The following FSD1L variants were observed in gnomAD, a reference collection of about 807,000 sequenced individuals.
FSD1L encodes FSD1-like protein.
FSD1L carries 45 observed loss-of-function variants against 71.6 expected under a neutral mutation model. The observed-to-expected ratio is 0.63, with a 90% CI of 0.49 to 0.81. The LOEUF (loss-of-function observed/expected upper bound fraction) is 0.81, where lower values mean the gene tolerates loss of function less well. Among genes scored for constraint, FSD1L ranks in the 30% least tolerant of loss-of-function variants. FSD1L has a pLI of 0.00. For synonymous variants in FSD1L, 197 were observed against 207.2 expected, an observed-to-expected ratio of 0.95 and a Z score of 0.42; for missense variants, 561 against 618.1, an observed-to-expected ratio of 0.91 and a Z score of 0.98.
upstream of FSD1L, chr9:105,447,941 C>G: frequency 3.8e-6 from 2 of 520,052 alleles, no homozygotes; most frequent in Non-Finnish European, 6.7e-6. Context: ...AGACGGGCGG[C>G]GCTCCCCACC....
intron 1 of FSD1L, among the ~76,000 whole-genome samples, chr9:105,449,213 G>C (rs1352180553): frequency 2.0e-5 from 3 of 152,200 alleles, no homozygotes; most frequent in African/African-American, 7.2e-5. Flanking sequence ...TCACCTTCTT[G>C]AGGATCACTT....
intron 1 of FSD1L, 80 bp downstream of exon 1, chr9:105,448,315 C>A: frequency 7.7e-7 from 1 of 1,302,774 alleles, no homozygotes; most frequent in Non-Finnish European, 1.0e-6. Context: ...GGCCCGTGGG[C>A]TGTGGGTGCG....
chr9:105,488,185 G>A (rs984560318), intron 7 of FSD1L, among the ~76,000 whole-genome samples: 7 of 152,036 alleles, frequency 4.6e-5, no homozygotes, highest in East Asian at 3.8e-4. Flanking sequence ...TATTTTCATC[G>A]TTCCTTACTC....
At chr9:105,506,277 T>C in intron 7 of FSD1L, 122 bp from the exon 8 acceptor site, 1 of 722,354 alleles carries the variant, frequency 1.4e-6, no homozygotes, top group Non-Finnish European at 2.2e-6. Context: ...CTGATCTACT[T>C]TTGAACAGTT....
chr9:105,455,969 C>T (rs1830333620), intron 1 of FSD1L, among the ~76,000 whole-genome samples: 2 of 152,208 alleles, frequency 1.3e-5, no homozygotes, highest in African/African-American at 4.8e-5. Flanking sequence ...AAGTCTTCTC[C>T]TCCTCTGAGA....
At chr9:105,466,691 TCA>T (rs1564085540) in intron 3 of FSD1L, among the ~76,000 whole-genome samples, 2 of 77,800 alleles carry the variant, frequency 2.6e-5, no homozygotes. Flanking sequence ...AGACTCTGTC[TCA>T]AAAAAAAAAA....
intron 13 of FSD1L, 77 bp from the exon 14 acceptor site, chr9:105,546,281 C>G: frequency 3.6e-6 from 5 of 1,382,686 alleles, no homozygotes; most frequent in Non-Finnish European, 3.9e-6. Flanking sequence ...GGCATTTTGC[C>G]TTTGAAATGG....
intron 5 of FSD1L, among the ~76,000 whole-genome samples, chr9:105,478,515 T>C (rs1450630147): frequency 6.6e-6 from 1 of 152,220 alleles, no homozygotes; most frequent in African/African-American, 2.4e-5. Flanking sequence ...TATTGTTAAC[T>C]GTACTGGTTA....
chr9:105,543,487 G>T (rs977884795), intron 13 of FSD1L, among the ~76,000 whole-genome samples: 1 of 152,040 alleles, frequency 6.6e-6, no homozygotes, highest in African/African-American at 2.4e-5. Context: ...ACAACGTGCA[G>T]GTTTGTTATA....
At chr9:105,491,224 C>T (rs1053376556) in intron 7 of FSD1L, among the ~76,000 whole-genome samples, 2 of 151,604 alleles carry the variant, frequency 1.3e-5, no homozygotes, top group Admixed American at 6.6e-5. Context: ...TCCTTCACAT[C>T]CCTTGTAAGT....
Position 105,448,114 on chromosome 9 carries a change from G to C in FSD1L, c.-107G>C, listed in dbSNP as rs1829734697. ...GGTGGGGCCGGGCGGTGCCGGTGCG[G>C]GCTGGGGCAGTGCAGTGAGTAGCGG... On this transcript the variant is annotated 5_prime_UTR_variant, in exon 1 of 14. Coordinates refer to ENST00000481272, the MANE Select transcript of FSD1L (RefSeq NM_001145313.3). The C allele has an allele frequency of 1.6e-6, 2 of 1,247,030 alleles. No homozygotes were observed. The highest frequency in any genetic ancestry group is 1.3e-5 in the South Asian group (1 of 77,646). The allele number at this position is 1,247,030 out of a possible 1,614,324, so 77.2% of individuals were successfully genotyped here.
chr9:105,511,093 C>T (rs1186155664), intron 9 of FSD1L, among the ~76,000 whole-genome samples: 2 of 151,274 alleles, frequency 1.3e-5, no homozygotes. Context: ...AAGAGAGATA[C>T]GAAAATGACA....
At chr9:105,448,675 G>A (rs1829787250) in intron 1 of FSD1L, among the ~76,000 whole-genome samples, 1 of 152,188 alleles carries the variant, frequency 6.6e-6, no homozygotes, top group Admixed American at 6.5e-5. Context: ...CCTCGACCAA[G>A]TCTCGTCTCA....
At chr9:105,518,899 A>G (rs1394661885) in intron 10 of FSD1L, among the ~76,000 whole-genome samples, 1 of 152,192 alleles carries the variant, frequency 6.6e-6, no homozygotes, top group Non-Finnish European at 1.5e-5. Flanking sequence ...GATCAACAAA[A>G]TAGACCACTA....
At position 105,479,396 on chromosome 9, in the gene FSD1L, T is replaced by C; in HGVS notation, c.464+20T>C. 3.3e-6 allele frequency: 5 copies of C among 1,531,808 alleles called. No individual in the cohort carries two copies. Among genetic ancestry groups the C allele is most frequent in the Non-Finnish European group, 4.4e-6 (5 of 1,131,894 alleles). The allele number at this position is 1,531,808 out of a possible 1,614,324, so 94.9% of individuals were successfully genotyped here. A position where few individuals can be genotyped will look rare whatever the true frequency, so the allele number is the denominator to read the frequency against. Reference sequence around the variant, plus strand: ...GGATAGGTATGGTATAAAACACATTTTTACTTAAGTATAAATATTGAAGTC... The same window carrying C: ...GGATAGGTATGGTATAAAACACATTCTTACTTAAGTATAAATATTGAAGTC... On this transcript the variant is annotated intron_variant, in intron 6 of 13. Transcript: ENST00000481272.
intron 10 of FSD1L, among the ~76,000 whole-genome samples, chr9:105,527,671 A>G (rs1000367687): frequency 9.9e-5 from 15 of 151,782 alleles, no homozygotes; most frequent in African/African-American, 3.4e-4. Context: ...AAAAGATGAC[A>G]TGGTATTTAA....
intron 10 of FSD1L, chr9:105,521,590 C>G (rs1250370789): frequency 3.1e-6 from 5 of 1,613,338 alleles, no homozygotes; most frequent in Non-Finnish European, 2.5e-6. Flanking sequence ...GAGGAAAAAC[C>G]TTTGTTCATG....
intron 5 of FSD1L, among the ~76,000 whole-genome samples, chr9:105,476,796 A>C (rs1831833627): frequency 6.6e-6 from 1 of 152,208 alleles, no homozygotes; most frequent in Non-Finnish European, 1.5e-5. Context: ...TTTCCAATTT[A>C]AGACATTTCT....
At chr9:105,538,377 G>A (rs1564152183) in intron 12 of FSD1L, among the ~76,000 whole-genome samples, 1 of 152,070 alleles carries the variant, frequency 6.6e-6, no homozygotes, top group Non-Finnish European at 1.5e-5. Flanking sequence ...CCTCTTTGGT[G>A]GCAGTTGATT....
Sources: gnomAD v4.1 joint callset for allele counts (sites outside exome capture counted in the v4.1 genomes callset) on GRCh38, gnomAD v4.1.1 for gene constraint, MANE v1.5 for transcripts, NCBI Gene and HGNC (gene_info 2026-07-23, HGNC 2026-07-21) for gene names.